Variants in DENND2C observed in about 807,000 individuals in gnomAD.
The protein encoded by DENND2C is DENN domain containing 2C, also known as DENN domain-containing protein 2C.
DENND2C carries 72 observed loss-of-function variants against 112.4 expected under a neutral mutation model. The observed-to-expected ratio is 0.64, with a 90% CI of 0.53 to 0.78. The LOEUF (loss-of-function observed/expected upper bound fraction) is 0.78. Among genes scored for constraint, DENND2C ranks in the 30% least tolerant of loss-of-function variants. The probability of loss-of-function intolerance (pLI) is 0.00; values close to 1 mark genes in which losing one functional copy is unlikely to be tolerated. For missense variants in DENND2C, 992 were observed against 1,113.8 expected, an observed-to-expected ratio of 0.89 and a Z score of 1.56; for synonymous variants, 329 against 381.6, an observed-to-expected ratio of 0.86 and a Z score of 1.61.
At chr1:114,602,298 G>A (rs1655534660) in intron 11 of DENND2C, 104 bp from the exon 12 acceptor site, 1 of 1,145,970 alleles carries the variant, frequency 8.7e-7, no homozygotes, top group Non-Finnish European at 1.2e-6. Flanking sequence ...GTCATTTTGT[G>A]ATCTAGTTAG....
At chr1:114,619,600 T>C (rs1315788339) in intron 7 of DENND2C, among the ~76,000 whole-genome samples, 1 of 151,812 alleles carries the variant, frequency 6.6e-6, no homozygotes, top group African/African-American at 2.4e-5. Flanking sequence ...GATGAGTTTG[T>C]GCTCTTAAAG....
At position 114,632,771 on chromosome 1, in the gene DENND2C, A is replaced by T. The variant is rs538864823; in HGVS notation, c.-204-6583T>A. Among the ~76,000 whole-genome samples, 11 of 152,284 alleles carry T rather than the reference A, an allele frequency of 7.2e-5. No homozygotes were observed. In the East Asian group the frequency reaches 1.7e-3, roughly 24 times the overall value. ...TTTTCTATTTAACATTGTTTTAAGT[A>T]AACAAAGAAAATTATGCTATTAGCA... On this transcript the variant is annotated intron_variant, in intron 3 of 20. Coordinates refer to ENST00000393274, the MANE Select transcript of DENND2C (RefSeq NM_001256404.2).
chr1:114,669,105 C>G (rs1230284033), intron 1 of DENND2C, among the ~76,000 whole-genome samples: 1 of 152,220 alleles, frequency 6.6e-6, no homozygotes, highest in Non-Finnish European at 1.5e-5. Flanking sequence ...GGATCTATCA[C>G]TTTATCTAAA....
chr1:114,622,267 C>A (rs1032574878), intron 6 of DENND2C, among the ~76,000 whole-genome samples: 6 of 152,062 alleles, frequency 3.9e-5, no homozygotes, highest in African/African-American at 1.4e-4. Flanking sequence ...GCACGTGTCA[C>A]CACATCCGGC....
chr1:114,587,304 C>T lies in DENND2C; in HGVS notation c.2755+83G>A, dbSNP rs376899821. Reference sequence around the variant, plus strand: ...TCAAGCAAACCTCCTTACTTGACCTCGCAAAGTGCTGGAATTACAGGCATG... The same window carrying T: ...TCAAGCAAACCTCCTTACTTGACCTTGCAAAGTGCTGGAATTACAGGCATG... On this transcript the variant is annotated intron_variant, in intron 20 of 20. Transcript: ENST00000393274. 125 of 1,494,846 alleles carry T rather than the reference C, an allele frequency of 8.4e-5. 4 individuals carry two copies. The East Asian group carries it at 1.0e-3, about 12-fold the overall frequency. The allele number at this position is 1,494,846 out of a possible 1,614,324, so 92.6% of individuals were successfully genotyped here.
At position 114,625,816 on chromosome 1, in the gene DENND2C, G is replaced by C; in HGVS notation, c.169C>G (p.Arg57Gly). Residue 57 changes from arginine to glycine, a missense_variant, in exon 4 of 21, where the codon CGT becomes GGT. By Grantham distance (125) the Arg-to-Gly change is moderately radical. This residue lies in a region of DENND2C where 470 missense variants were observed against 472.7 expected (regional missense o/e 0.99). Transcript: ENST00000393274. ...GVRYNCHQEI[R>G]LKKNPIAERK... ...TCAGCTATAGGATTTTTCTTAAGAC[G>C]GATCTCTTGGTGACAGTTATATCTC... 1.2e-6 allele frequency: 2 copies of C among 1,613,962 alleles called. No homozygotes were observed. Among genetic ancestry groups the C allele is most frequent in the Non-Finnish European group, 1.7e-6 (2 of 1,179,970 alleles).
intron 1 of DENND2C, among the ~76,000 whole-genome samples, chr1:114,659,652 C>A (rs1051315929): frequency 2.0e-5 from 3 of 152,088 alleles, no homozygotes; most frequent in Non-Finnish European, 1.5e-5. Context: ...CACTAGACTG[C>A]CAAAAGCAGC....
intron 4 of DENND2C, among the ~76,000 whole-genome samples, chr1:114,623,978 T>C (rs989243455): frequency 6.6e-6 from 1 of 152,164 alleles, no homozygotes; most frequent in Non-Finnish European, 1.5e-5. Flanking sequence ...TCAGGTGATC[T>C]GCCTGCCTCG....
In DENND2C at chr1:114,648,373, G is replaced by A. The variant is rs578104546; in HGVS notation, c.-316-2814C>T. 3.3e-5 allele frequency among the ~76,000 whole-genome samples: 5 copies of A among 152,170 alleles called. No homozygotes were observed. In the South Asian group the frequency reaches 1.0e-3, roughly 32 times the overall value. On this transcript the variant is annotated intron_variant, in intron 2 of 20. Transcript: ENST00000393274. ...TCCTGTGTTCTCCGAGTTTCAGCAG[G>A]GCCTCAAAGGCCAAAACCAAAACAA...
intron 9 of DENND2C, among the ~76,000 whole-genome samples, chr1:114,610,071 AG>A (rs1401374274): frequency 1.3e-5 from 2 of 152,358 alleles, no homozygotes; most frequent in South Asian, 2.1e-4. Flanking sequence ...TCATAAAATT[AG>A]GGTGTCAGAT....
chr1:114,605,650 G>A (rs1303105284), intron 10 of DENND2C, among the ~76,000 whole-genome samples: 1 of 152,146 alleles, frequency 6.6e-6, no homozygotes, highest in Non-Finnish European at 1.5e-5. Context: ...AAGTTAGCTG[G>A]GTGTGGTGGC....
rs371346767 is a variant in DENND2C at position 114,595,797 on chromosome 1, C to T, written c.2325+35G>A. The T allele has an allele frequency of 3.1e-6, 5 of 1,589,274 alleles. No individual in the cohort carries two copies. In the African/African-American group the frequency reaches 4.0e-5, roughly 13 times the overall value. On this transcript the variant is annotated intron_variant, in intron 17 of 20. Coordinates refer to ENST00000393274, the MANE Select transcript of DENND2C (RefSeq NM_001256404.2). The stretch of plus-strand genomic sequence containing the variant: ...CAATTATCTACAGTAGACATTTATC[C>T]TAAAACATAAGTAATTACCTCCTTT...
chr1:114,622,008 C>T lies in DENND2C; in HGVS notation c.1114G>A (p.Ala372Thr), dbSNP rs1388078851. ...RKTMEVKNSQ[A>T]YLRSKLTKDT... Reference sequence around the variant, plus strand: ...TTTGTAAGCTTTGACCGCAAATAAGCCTGTGAGTTCTTTACTTCCATAGTC... The same window carrying T: ...TTTGTAAGCTTTGACCGCAAATAAGTCTGTGAGTTCTTTACTTCCATAGTC... The change falls in exon 7 of 21, where the codon GCT becomes ACT. Residue 372 changes from alanine to threonine, a missense_variant. Coordinates refer to ENST00000393274, the MANE Select transcript of DENND2C (RefSeq NM_001256404.2). The T allele has an allele frequency of 1.3e-6, 2 of 1,550,516 alleles. No individual in the cohort carries two copies. The highest frequency in any genetic ancestry group is 1.7e-6 in the Non-Finnish European group (2 of 1,146,946).
chr1:114,604,801 C>T (rs1655612427), intron 11 of DENND2C, 121 bp downstream of exon 11: 1 of 688,622 alleles, frequency 1.5e-6, no homozygotes, highest in East Asian at 2.8e-5. Context: ...TTCCTCCTAC[C>T]ACATCCTTGA....
chr1:114,621,512 C>G (rs1656164532), intron 7 of DENND2C, among the ~76,000 whole-genome samples: 1 of 152,168 alleles, frequency 6.6e-6, no homozygotes, highest in African/African-American at 2.4e-5. Flanking sequence ...AATCTGTAAA[C>G]TCAAGCACAA....
intron 14 of DENND2C, 99 bp downstream of exon 14, chr1:114,600,721 G>A: frequency 7.1e-7 from 1 of 1,406,550 alleles, no homozygotes; most frequent in Admixed American, 2.4e-5. Flanking sequence ...TACAGTTTAT[G>A]GAAAAGGGAA....
At chr1:114,600,114 T>C (rs1163371656) in intron 15 of DENND2C, 90 bp downstream of exon 15, 14 of 1,419,278 alleles carry the variant, frequency 9.9e-6, no homozygotes, top group Non-Finnish European at 1.3e-5. Flanking sequence ...ACTTAAAGTA[T>C]AATAGTAAAA....
chr1:114,665,679 T>A (rs11801474), intron 1 of DENND2C, among the ~76,000 whole-genome samples: 4,018 of 152,326 alleles, frequency 0.026, 95 homozygotes, highest in Non-Finnish European at 0.034. Context: ...CCAAATGAAA[T>A]TTTAAAAGAA....
intron 4 of DENND2C, 77 bp from the exon 5 acceptor site, chr1:114,623,720 A>G (rs965750523): frequency 6.7e-6 from 7 of 1,041,202 alleles, no homozygotes; most frequent in African/African-American, 4.0e-5. Flanking sequence ...TTATTTATTT[A>G]TTTGTTTGAT....
Sources: allele counts gnomAD v4.1 joint callset (sites outside exome capture counted in the v4.1 genomes callset), GRCh38; gene constraint gnomAD v4.1.1; regional missense constraint gnomAD v4.1.1; transcripts MANE v1.5; gene names NCBI Gene and HGNC (gene_info 2026-07-23, HGNC 2026-07-21).